Variants in CCDC88C observed in about 807,000 individuals in gnomAD.
CCDC88C encodes the protein protein Daple.
CCDC88C carries 131 observed loss-of-function variants against 198.8 expected under a neutral mutation model. The observed-to-expected ratio is 0.66, with a 90% CI of 0.57 to 0.76. The LOEUF (loss-of-function observed/expected upper bound fraction) is 0.76, where lower values mean the gene tolerates loss of function less well. Among genes scored for constraint, CCDC88C ranks in the 30% least tolerant of loss-of-function variants. The probability of loss-of-function intolerance (pLI) is 0.00; values close to 1 mark genes in which losing one functional copy is unlikely to be tolerated. For missense variants in CCDC88C, 2,553 were observed against 2,631.6 expected (o/e 0.97, Z 0.65); for synonymous variants, 1,166 against 1,114.7 (o/e 1.05, Z -0.92).
chr14:91,286,165 T>A (rs4904763), intron 25 of CCDC88C, among the ~76,000 whole-genome samples: 2 of 152,064 alleles, frequency 1.3e-5, no homozygotes, highest in African/African-American at 2.4e-5. Flanking sequence ...TATTAAACAC[T>A]AATGCTTATT....
chr14:91,404,334 G>A (rs1886367454), intron 3 of CCDC88C, among the ~76,000 whole-genome samples: 1 of 152,194 alleles, frequency 6.6e-6, no homozygotes, highest in African/African-American at 2.4e-5. Flanking sequence ...GGTGAGACGT[G>A]AATCTGGTGT....
At chr14:91,343,446 T>C (rs550621245) in intron 5 of CCDC88C, among the ~76,000 whole-genome samples, 153 bp downstream of exon 5, 31 of 152,218 alleles carry the variant, frequency 2.0e-4, no homozygotes, top group African/African-American at 7.5e-4. Context: ...CGTAAAACAA[T>C]GGCCACTCTC....
chr14:91,277,492 T>C (rs926478959), intron 29 of CCDC88C, among the ~76,000 whole-genome samples: 3 of 152,144 alleles, frequency 2.0e-5, no homozygotes, highest in Admixed American at 1.3e-4. Flanking sequence ...CAGAATTGAG[T>C]AGCTACAACA....
intron 22 of CCDC88C, among the ~76,000 whole-genome samples, chr14:91,296,016 C>G (rs904508317): frequency 7.9e-5 from 12 of 152,338 alleles, no homozygotes; most frequent in African/African-American, 2.6e-4. Context: ...CAGCTCAGCC[C>G]TGCCGGTTCA....
chr14:91,359,358 C>T lies in CCDC88C; in HGVS notation c.340+284G>A, dbSNP rs181186680. Among the ~76,000 whole-genome samples, 231 of 152,078 alleles carry T rather than the reference C, an allele frequency of 1.5e-3. 1 individual carries two copies. Among genetic ancestry groups the T allele is most frequent in the Middle Eastern group, 0.014 (4 of 294 alleles). On this transcript the variant is annotated intron_variant, in intron 4 of 29. Coordinates refer to ENST00000389857, the MANE Select transcript of CCDC88C (RefSeq NM_001080414.4). ...TTCACCTTGTTAGCCAGGATGGTCT[C>T]GATCTCCTGACTTCATGATCCGGCC... is the stretch of plus-strand genomic sequence containing the variant.
chr14:91,396,469 C>T (rs1003825078), intron 3 of CCDC88C, among the ~76,000 whole-genome samples: 11 of 152,154 alleles, frequency 7.2e-5, no homozygotes, highest in Admixed American at 2.6e-4. Flanking sequence ...CATTCACGCC[C>T]GCATCACTCG....
At chr14:91,376,739 G>A (rs1488093395) in intron 3 of CCDC88C, among the ~76,000 whole-genome samples, 2 of 152,188 alleles carry the variant, frequency 1.3e-5, no homozygotes, top group African/African-American at 2.4e-5. Context: ...TGGGGGCCAC[G>A]CACCCCCAGG....
intron 23 of CCDC88C, among the ~76,000 whole-genome samples, chr14:91,293,048 T>C (rs1037748397): frequency 1.6e-4 from 16 of 102,748 alleles, no homozygotes; most frequent in South Asian, 6.8e-4. Context: ...CTGCCACGGC[T>C]GACCTTCCTG....
intron 12 of CCDC88C, among the ~76,000 whole-genome samples, chr14:91,324,339 A>G (rs955402223): frequency 6.6e-6 from 1 of 151,892 alleles, no homozygotes; most frequent in Non-Finnish European, 1.5e-5. Context: ...AGGAGAGAGA[A>G]AACAGGCTGC....
intron 13 of CCDC88C, among the ~76,000 whole-genome samples, chr14:91,316,949 A>G (rs981791086): frequency 6.6e-6 from 1 of 152,206 alleles, no homozygotes; most frequent in Admixed American, 6.5e-5. Context: ...TGGCATGGGC[A>G]ACAGTCTCAT....
intron 4 of CCDC88C, among the ~76,000 whole-genome samples, chr14:91,354,749 T>C (rs1596105413): frequency 6.6e-6 from 1 of 152,286 alleles, no homozygotes. Flanking sequence ...TGCCAGACAC[T>C]GATCTAGGCA....
chr14:91,406,451 C>T (rs1220763780), intron 3 of CCDC88C, among the ~76,000 whole-genome samples: 1 of 152,216 alleles, frequency 6.6e-6, no homozygotes, highest in African/African-American at 2.4e-5. Flanking sequence ...ATACCACTGG[C>T]TCTGGCCAGC....
At chr14:91,400,611 C>T (rs1886116014) in intron 3 of CCDC88C, among the ~76,000 whole-genome samples, 1 of 152,258 alleles carries the variant, frequency 6.6e-6, no homozygotes, top group South Asian at 2.1e-4. Flanking sequence ...CCAAAAGGCA[C>T]TCAAGATCCT....
rs7146589 is a variant in CCDC88C at position 91,275,034 on chromosome 14, G to A, written c.5059-1381C>T. Reference sequence around the variant, plus strand: ...TCATCGACGCCCAGAGAGTGGGGGCGCGGTGGGCATACGGTTGTCATTTCC... The same window carrying A: ...TCATCGACGCCCAGAGAGTGGGGGCACGGTGGGCATACGGTTGTCATTTCC... On this transcript the variant is annotated intron_variant, in intron 29 of 29. Coordinates refer to ENST00000389857, the MANE Select transcript of CCDC88C (RefSeq NM_001080414.4). Among the ~76,000 whole-genome samples, 957 of 152,246 alleles carry A rather than the reference G, an allele frequency of 6.3e-3. 13 individuals carry two copies. The highest frequency in any genetic ancestry group is 0.022 in the African/African-American group (893 of 41,526).
chr14:91,297,633 T>A, intron 21 of CCDC88C, 142 bp from the exon 22 acceptor site: 5 of 782,788 alleles, frequency 6.4e-6, no homozygotes, highest in Non-Finnish European at 9.9e-6. Context: ...TGGGCTTTTT[T>A]TTTTTTCCAT....
At chr14:91,385,050 G>A (rs550635768) in intron 3 of CCDC88C, among the ~76,000 whole-genome samples, 8 of 152,316 alleles carry the variant, frequency 5.3e-5, no homozygotes, top group Non-Finnish European at 8.8e-5. Context: ...TGAGCCACAT[G>A]GTGAGACCGG....
intron 2 of CCDC88C, among the ~76,000 whole-genome samples, chr14:91,410,179 C>T (rs1007079777): frequency 1.3e-5 from 2 of 152,232 alleles, no homozygotes; most frequent in Non-Finnish European, 2.9e-5. Context: ...TAGACAAGAG[C>T]ACTCAGCATT....
At chr14:91,289,776 G>A (rs1236631654) in intron 24 of CCDC88C, among the ~76,000 whole-genome samples, 1 of 152,146 alleles carries the variant, frequency 6.6e-6, no homozygotes, top group African/African-American at 2.4e-5. Context: ...GAGGAGAGCA[G>A]GCTGTTTGAT....
In CCDC88C at chr14:91,416,807, C is replaced by A. The variant is rs962505697; in HGVS notation, c.92G>T (p.Ser31Ile). The change falls in exon 2 of 30, where the codon AGC (serine) becomes ATC (isoleucine). Residue 31 changes from serine (S) to isoleucine (I), a missense_variant. Ser to Ile is a moderately radical substitution (Grantham distance 142). Coordinates refer to ENST00000389857, the MANE Select transcript of CCDC88C (RefSeq NM_001080414.4). The part of the protein sequence containing the change: ...VKTFGPFGSG[S>I]QDNLTMYMDL... ...CATGTACATAGTCAGGTTGTCCTGG[C>A]TGCCGCTTCCAAACGGGCCAAAAGT... 3.1e-6 allele frequency: 5 copies of A among 1,613,532 alleles called. No homozygotes were observed. The African/African-American group carries it at 6.7e-5, about 22-fold the overall frequency.
Sources: allele counts gnomAD v4.1 joint callset (sites outside exome capture counted in the v4.1 genomes callset), GRCh38; gene constraint gnomAD v4.1.1; transcripts MANE v1.5; gene names NCBI Gene and HGNC (gene_info 2026-07-23, HGNC 2026-07-21).